Variants in C2orf74 observed in about 807,000 individuals in gnomAD.
The protein encoded by C2orf74 is uncharacterized protein C2orf74.
In C2orf74, 14 loss-of-function variants were observed where a neutral mutation model predicts 17.9. The observed-to-expected ratio is 0.78, with a 90% CI of 0.52 to 1.22. The LOEUF is 1.22. Among genes scored for constraint, C2orf74 ranks in the 50% most tolerant of loss-of-function variants. The pLI is 0.00. For synonymous variants in C2orf74, 79 were observed against 72.6 expected (o/e 1.09, Z -0.44); for missense variants, 217 against 218.4 (o/e 0.99, Z 0.04).
chr2:61,145,421 T>A (rs567170738), intron 1 of C2orf74, among the ~76,000 whole-genome samples: 16 of 152,238 alleles, frequency 1.1e-4, no homozygotes, highest in Admixed American at 7.2e-4. Flanking sequence ...TTTTTGTGTT[T>A]TTTATTTATT....
chr2:61,156,576 C>T lies in C2orf74; in HGVS notation c.-121-6266C>T, dbSNP rs1389934242. 2.0e-5 allele frequency among the ~76,000 whole-genome samples: 3 copies of T among 151,948 alleles called. No individual in the cohort carries two copies. The South Asian group carries it at 6.2e-4, about 32-fold the overall frequency. On this transcript the variant is annotated intron_variant, in intron 1 of 3. Coordinates refer to the C2orf74 transcript ENST00000426997. ...ATCAATGCTATTAATAAAAGCAGTA[C>T]GTTGTCCAACAATAAGAAAATAATT...
At chr2:61,153,246 C>T (rs951996135) in intron 1 of C2orf74, among the ~76,000 whole-genome samples, 1 of 151,388 alleles carries the variant, frequency 6.6e-6, no homozygotes, top group Non-Finnish European at 1.5e-5. Context: ...TAAAATGTTT[C>T]AGTAAATCAA....
At chr2:61,153,752 G>A (rs1043814822) in intron 1 of C2orf74, among the ~76,000 whole-genome samples, 4 of 151,296 alleles carry the variant, frequency 2.6e-5, no homozygotes, top group Admixed American at 6.6e-5. Context: ...AGCTGGGCAT[G>A]GTGGTGCACA....
At chr2:61,163,947 G>C (rs965992168) in intron 4 of C2orf74, among the ~76,000 whole-genome samples, 3 of 152,024 alleles carry the variant, frequency 2.0e-5, no homozygotes, top group Non-Finnish European at 2.9e-5. Flanking sequence ...CTCAGGCCCA[G>C]ACCGCAGCCC....
At chr2:61,153,607 A>G (rs1179473764) in intron 1 of C2orf74, among the ~76,000 whole-genome samples, 1 of 147,366 alleles carries the variant, frequency 6.8e-6, no homozygotes, top group Admixed American at 6.7e-5. Flanking sequence ...AAAATGTATA[A>G]ACTGGGCGCG....
At chr2:61,158,056 A>G (rs1014309432), upstream of C2orf74, 10 of 467,392 alleles carry the variant, frequency 2.1e-5, no homozygotes, top group Middle Eastern at 1.1e-3. Flanking sequence ...GGAAGAGGCA[A>G]TATCTGACCC....
chr2:61,161,507 C>T (rs1481022734), upstream of C2orf74, among the ~76,000 whole-genome samples: 1 of 152,172 alleles, frequency 6.6e-6, no homozygotes, highest in African/African-American at 2.4e-5. Flanking sequence ...TTTTAACCTT[C>T]ATTCTGTTAA....
chr2:61,164,473 G>A lies in C2orf74; in HGVS notation c.510G>A (p.Gly170=), dbSNP rs903333056. ...GGGAGGTAATTGTTGTGGATCTTGGGAATGAATACCCTACACCTCGAAGCT... is the reference window on the plus strand; with the variant it reads ...GGGAGGTAATTGTTGTGGATCTTGGAAATGAATACCCTACACCTCGAAGCT... The part of the protein sequence containing the change: ...FSREVIVVDL[G]NEYPTPRSYT... Residue 170 remains glycine (G), a synonymous_variant, in exon 5 of 5, where the codon GGG becomes GGA. Coordinates refer to ENST00000432605, the MANE Select transcript of C2orf74 (RefSeq NM_001143959.4). 7.7e-6 allele frequency: 12 copies of A among 1,550,828 alleles called. No individual in the cohort carries two copies. The highest frequency in any genetic ancestry group is 1.4e-5 in the African/African-American group (1 of 72,868).
chr2:61,155,265 T>C (rs919225166), intron 1 of C2orf74, among the ~76,000 whole-genome samples: 5 of 152,226 alleles, frequency 3.3e-5, no homozygotes, highest in Admixed American at 6.5e-5. Context: ...CTTGAGAAAA[T>C]TGCTTTGAGT....
chr2:61,157,768 C>A, upstream of C2orf74: 1 of 427,722 alleles, frequency 2.3e-6, no homozygotes, highest in Non-Finnish European at 4.9e-6. Context: ...GTCCTGTGTC[C>A]ACTGCCCCTA....
At chr2:61,163,337 G>A in intron 4 of C2orf74, 105 bp downstream of exon 4, 1 of 1,244,530 alleles carries the variant, frequency 8.0e-7, no homozygotes, top group Non-Finnish European at 1.1e-6. Flanking sequence ...GGACCGGGCG[G>A]GTGGCTCACG....
chr2:61,155,974 G>C (rs957876113), intron 1 of C2orf74, among the ~76,000 whole-genome samples: 1 of 152,022 alleles, frequency 6.6e-6, no homozygotes, highest in African/African-American at 2.4e-5. Context: ...CAAGTGGAAG[G>C]ACTGCTTGAG....
At position 61,162,834 on chromosome 2, in the gene C2orf74, G is replaced by A. The variant is rs766264787; in HGVS notation, c.96-8G>A. 6.5e-7 allele frequency: 1 copy of A among 1,544,442 alleles called. No homozygotes were observed. Among genetic ancestry groups the A allele is most frequent in the Admixed American group, 2.0e-5 (1 of 50,658 alleles). On this transcript the variant is annotated splice_polypyrimidine_tract_variant and splice_region_variant and intron_variant, in intron 2 of 4. Transcript: ENST00000432605. ...CCTTTTCTGAATTTGTGGCTTGTTTGTTTTCAGTTTCCAAGGCAGGAAAGG... is the reference window on the plus strand; with the variant it reads ...CCTTTTCTGAATTTGTGGCTTGTTTATTTTCAGTTTCCAAGGCAGGAAAGG...
chr2:61,163,931 G>T (rs1341230789), intron 4 of C2orf74, among the ~76,000 whole-genome samples: 1 of 151,976 alleles, frequency 6.6e-6, no homozygotes, highest in Non-Finnish European at 1.5e-5. Context: ...CTCCACTGTG[G>T]CCAAGCTCAG....
At chr2:61,160,617 T>G (rs1685537158), upstream of C2orf74, among the ~76,000 whole-genome samples, 1 of 152,038 alleles carries the variant, frequency 6.6e-6, no homozygotes, top group Non-Finnish European at 1.5e-5. Flanking sequence ...CAAGCGATTT[T>G]CCTGCCTCAG....
chr2:61,150,499 A>T (rs1559176364), intron 1 of C2orf74, among the ~76,000 whole-genome samples: 1 of 152,190 alleles, frequency 6.6e-6, no homozygotes, highest in Non-Finnish European at 1.5e-5. Context: ...GGCCTCCTGG[A>T]CAGAAACACT....
Position 61,162,557 on chromosome 2 carries a change from C to T in C2orf74, c.43C>T (p.Leu15=). 6.4e-7 allele frequency: 1 copy of T among 1,551,712 alleles called. No individual in the cohort carries two copies. Among genetic ancestry groups the T allele is most frequent in the Non-Finnish European group, 8.7e-7 (1 of 1,146,934 alleles). ...TTAITFFIIL[L]ICLICILLLL... is the part of the protein sequence containing the mutation. ...AGCAATCACTTTCTTCATCATCCTT[C>T]TAATTTGCCTCATTTGCATCCTCCT... is the stretch of plus-strand genomic sequence containing the variant. The change falls in exon 2 of 5, where the codon CTA becomes TTA. Residue 15 remains leucine (L), a synonymous_variant. Transcript: ENST00000432605.
chr2:61,150,032 T>C (rs945198988), intron 1 of C2orf74, among the ~76,000 whole-genome samples: 8 of 152,216 alleles, frequency 5.3e-5, no homozygotes, highest in African/African-American at 9.6e-5. Flanking sequence ...GTTATGGTCA[T>C]GTTGCATAAT....
chr2:61,158,972 T>G (rs1685479416), upstream of C2orf74, among the ~76,000 whole-genome samples: 2 of 137,634 alleles, frequency 1.5e-5, no homozygotes. Context: ...AGAACCAAGT[T>G]TTTTTTTGTT....
Sources: gnomAD v4.1 joint callset for allele counts (sites outside exome capture counted in the v4.1 genomes callset) on GRCh38, gnomAD v4.1.1 for gene constraint, MANE v1.5 for transcripts, NCBI Gene and HGNC (gene_info 2026-07-23, HGNC 2026-07-21) for gene names.